The following NOL4L variants were observed in gnomAD, a reference collection of about 807,000 sequenced individuals.
NOL4L encodes nucleolar protein 4 like, also known as nucleolar protein 4-like.
In NOL4L, 7 loss-of-function variants were observed where a neutral mutation model predicts 64.5. The observed-to-expected ratio is 0.11, with a 90% CI of 0.06 to 0.20. The LOEUF (loss-of-function observed/expected upper bound fraction) is 0.20. Among genes scored for constraint, NOL4L ranks in the 10% least tolerant of loss-of-function variants. NOL4L has a pLI of 1.00. For synonymous variants in NOL4L, 413 were observed against 401.0 expected (o/e 1.03, Z -0.36); for missense variants, 680 against 967.1 (o/e 0.70, Z 3.94).
At chr20:32,546,850 C>T (rs2018739794) in intron 1 of NOL4L, among the ~76,000 whole-genome samples, 2 of 152,164 alleles carry the variant, frequency 1.3e-5, no homozygotes, top group African/African-American at 4.8e-5. Flanking sequence ...TCAGGAGCTC[C>T]CTGTGATGGA....
intron 2 of NOL4L, among the ~76,000 whole-genome samples, chr20:32,525,573 G>T (rs1454178258): frequency 6.6e-6 from 1 of 152,050 alleles, no homozygotes. Flanking sequence ...AGCACATGCT[G>T]ACTGCTCAGC....
Position 32,563,224 on chromosome 20 carries a change from A to G in NOL4L, c.321+21346T>C, listed in dbSNP as rs868294293. 3.6e-3 allele frequency among the ~76,000 whole-genome samples: 75 copies of G among 20,624 alleles called. 1 individual carries two copies. The highest frequency in any genetic ancestry group is 0.014 in the African/African-American group (75 of 5,300). 13.5% of individuals were successfully genotyped at this position (20,624 alleles called of 152,430 possible). ...AGGTAGGGTGGAGGGAGGGAGAGTG[A>G]GGAGGGAGAGTGGGGAGGGAGGGTG... On this transcript the variant is annotated intron_variant, in intron 1 of 10. Transcript: ENST00000621426.
At position 32,536,481 on chromosome 20, in the gene NOL4L, G is replaced by T. The variant is rs535618163; in HGVS notation, c.322-8568C>A. ...GCGCGCCGCTGACAGCTGCTCGGGCGGGGGGCAGGGGCGGGGGCGAGGCGG... is the reference window on the plus strand; with the variant it reads ...GCGCGCCGCTGACAGCTGCTCGGGCTGGGGGCAGGGGCGGGGGCGAGGCGG... On this transcript the variant is annotated intron_variant, in intron 1 of 10. Transcript: ENST00000621426. 630 of 173,374 alleles carry T rather than the reference G, an allele frequency of 3.6e-3. 8 individuals carry two copies. Among genetic ancestry groups the T allele is most frequent in the African/African-American group, 0.014 (590 of 41,148 alleles). 10.7% of individuals were successfully genotyped at this position (173,374 alleles called of 1,614,324 possible). A position where few individuals can be genotyped will look rare whatever the true frequency, so the allele number is the denominator to read the frequency against.
At chr20:32,567,810 C>T (rs1306003755) in intron 1 of NOL4L, among the ~76,000 whole-genome samples, 1 of 152,110 alleles carries the variant, frequency 6.6e-6, no homozygotes, top group Non-Finnish European at 1.5e-5. Context: ...TGACACACTA[C>T]CATCATCACC....
At chr20:32,531,761 C>A (rs544102630) in intron 1 of NOL4L, among the ~76,000 whole-genome samples, 2 of 152,198 alleles carry the variant, frequency 1.3e-5, no homozygotes, top group African/African-American at 4.8e-5. Context: ...CCAGCACATA[C>A]AGACTTGGTT....
At chr20:32,556,976 A>C (rs547067170) in intron 1 of NOL4L, among the ~76,000 whole-genome samples, 76 of 152,334 alleles carry the variant, frequency 5.0e-4, no homozygotes, top group African/African-American at 1.6e-3. Flanking sequence ...AATCCTAGGA[A>C]TCAGGTAGAC....
At chr20:32,527,980 GC>G (rs2145581556) in intron 1 of NOL4L, 67 bp from the exon 2 acceptor site, 1 of 1,473,564 alleles carries the variant, frequency 6.8e-7, no homozygotes, top group Non-Finnish European at 9.1e-7. Flanking sequence ...GGGCCCTGAG[GC>G]CGGGGCAAGG....
At chr20:32,548,735 A>T (rs2018762113) in intron 1 of NOL4L, 1 of 392,942 alleles carries the variant, frequency 2.5e-6, no homozygotes, top group Admixed American at 3.0e-5. Context: ...ACTCCTTGGT[A>T]TAAACTCGCC....
rs1042285948 is a variant in NOL4L at position 32,463,951 on chromosome 20, C to T, written c.842-7556G>A. 2.0e-5 allele frequency among the ~76,000 whole-genome samples: 3 copies of T among 152,166 alleles called. No homozygotes were observed. Among genetic ancestry groups the T allele is most frequent in the Non-Finnish European group, 4.4e-5 (3 of 68,016 alleles). On this transcript the variant is annotated intron_variant, in intron 5 of 10. Transcript: ENST00000621426. This position sits in a 1 kb window ranked among gnomAD's most constrained non-coding sequence, Gnocchi z 5.8. Reference sequence around the variant, plus strand: ...CAGGCCCTGCGTGCAGACTGCCTTCCGTGTCCAGAGGTGTGGCTGCTGGAG... The same window carrying T: ...CAGGCCCTGCGTGCAGACTGCCTTCTGTGTCCAGAGGTGTGGCTGCTGGAG...
intron 1 of NOL4L, chr20:32,572,597 C>T (rs1224758688): frequency 6.6e-6 from 1 of 152,354 alleles, no homozygotes; most frequent in Non-Finnish European, 1.5e-5. Flanking sequence ...CCCACTGCCC[C>T]TCGCCCCTCC....
intron 4 of NOL4L, among the ~76,000 whole-genome samples, chr20:32,494,435 C>T (rs2016606524): frequency 6.6e-6 from 1 of 151,934 alleles, no homozygotes; most frequent in Non-Finnish European, 1.5e-5. Context: ...CCCTGCCTAC[C>T]TCCCTCTCCT....
intron 4 of NOL4L, among the ~76,000 whole-genome samples, chr20:32,507,627 T>C (rs961752501): frequency 6.6e-6 from 1 of 152,198 alleles, no homozygotes; most frequent in Non-Finnish European, 1.5e-5. Context: ...CATTTGTCTC[T>C]TGGATACGTG....
At chr20:32,457,884 G>A (rs927109310) in intron 5 of NOL4L, among the ~76,000 whole-genome samples, 16 of 152,202 alleles carry the variant, frequency 1.1e-4, no homozygotes, top group Admixed American at 3.3e-4. Context: ...CGCCCAGTCT[G>A]GAGCCAACAC....
chr20:32,469,949 G>A (rs978322836), intron 5 of NOL4L, among the ~76,000 whole-genome samples: 3 of 152,228 alleles, frequency 2.0e-5, no homozygotes, highest in African/African-American at 7.2e-5. Context: ...CCAGACTCAG[G>A]CCTGCACAGT....
intron 4 of NOL4L, among the ~76,000 whole-genome samples, chr20:32,482,038 T>C (rs1171673149): frequency 6.6e-6 from 1 of 151,954 alleles, no homozygotes; most frequent in Non-Finnish European, 1.5e-5. Flanking sequence ...GGAGAATCTA[T>C]TTCAAGCCAC....
intron 1 of NOL4L, among the ~76,000 whole-genome samples, chr20:32,550,210 G>A (rs2018781352): frequency 6.6e-6 from 1 of 152,170 alleles, no homozygotes; most frequent in African/African-American, 2.4e-5. Context: ...GCCTATTATT[G>A]TACTGAATAC....
rs973022987 is a variant in NOL4L at position 32,445,291 on chromosome 20, T to A, written c.*2305A>T. The A allele has an allele frequency of 1.3e-5, 2 of 152,220 alleles. No homozygotes were observed. Among genetic ancestry groups the A allele is most frequent in the African/African-American group, 2.4e-5 (1 of 41,452 alleles). The allele number at this position is 152,220 out of a possible 1,614,324, so 9.4% of individuals were successfully genotyped here. A position where few individuals can be genotyped will look rare whatever the true frequency, so the allele number is the denominator to read the frequency against. On this transcript the variant is annotated 3_prime_UTR_variant, in exon 11 of 11. Coordinates refer to ENST00000621426, the MANE Select transcript of NOL4L (RefSeq NM_001256798.2). ...AGCTTATGCTGATCTTTAGATCTAA[T>A]CCTTGTGTGGGTAGGGGGAGGGAGC...
At chr20:32,568,624 A>G (rs566455187) in intron 1 of NOL4L, among the ~76,000 whole-genome samples, 3 of 152,274 alleles carry the variant, frequency 2.0e-5, no homozygotes, top group East Asian at 3.9e-4. Context: ...CCATCCAGCC[A>G]TATCTCCCCA....
intron 4 of NOL4L, chr20:32,486,934 ACATT>A: frequency 2.8e-6 from 1 of 355,834 alleles, no homozygotes; most frequent in Non-Finnish European, 5.8e-6. Context: ...ACTCTACAAA[ACATT>A]CATTGTCACT....
Sources: allele counts gnomAD v4.1 joint callset (sites outside exome capture counted in the v4.1 genomes callset), GRCh38; gene constraint gnomAD v4.1.1; non-coding constraint Gnocchi (gnomAD v3.1); transcripts MANE v1.5; gene names NCBI Gene and HGNC (gene_info 2026-07-23, HGNC 2026-07-21).